The following CDH12 variants were observed in gnomAD, a reference collection of about 807,000 sequenced individuals.
The protein encoded by CDH12 is cadherin 12.
Under a neutral mutation model 74.1 loss-of-function variants are expected in CDH12, and 41 were observed. The observed-to-expected ratio is 0.55, with a 90% CI of 0.43 to 0.72. The LOEUF is 0.72. Among genes scored for constraint, CDH12 ranks in the 30% least tolerant of loss-of-function variants. CDH12 has a pLI of 0.00. For synonymous variants in CDH12, 399 were observed against 355.0 expected (o/e 1.12, Z -1.39); for missense variants, 945 against 977.2 (o/e 0.97, Z 0.44).
chr5:22,410,743 C>G (rs1051790300), intron 2 of CDH12, among the ~76,000 whole-genome samples: 22 of 151,892 alleles, frequency 1.4e-4, no homozygotes, highest in African/African-American at 5.3e-4. Context: ...GAACATAATG[C>G]TAGACATGAA....
At chr5:21,992,555 G>T (rs1238117812) in intron 5 of CDH12, among the ~76,000 whole-genome samples, 4 of 152,010 alleles carry the variant, frequency 2.6e-5, no homozygotes, top group African/African-American at 9.7e-5. Context: ...GGAATTATGT[G>T]TGTGCATACG....
At chr5:22,139,895 C>T (rs1746690464) in intron 4 of CDH12, among the ~76,000 whole-genome samples, 1 of 152,056 alleles carries the variant, frequency 6.6e-6, no homozygotes, top group African/African-American at 2.4e-5. Flanking sequence ...AACATTTCCT[C>T]CTGCCAAGTT....
chr5:22,542,612 T>C (rs1004411702), intron 1 of CDH12, among the ~76,000 whole-genome samples: 1 of 152,172 alleles, frequency 6.6e-6, no homozygotes, highest in African/African-American at 2.4e-5. Context: ...CAGTTCGTGT[T>C]TATCACCCTT....
At chr5:22,743,302 A>ATATATG (rs1042748232) in intron 1 of CDH12, among the ~76,000 whole-genome samples, 6 of 148,160 alleles carry the variant, frequency 4.0e-5, no homozygotes, top group Non-Finnish European at 8.9e-5. Flanking sequence ...GTATATGTAT[A>ATATATG]TATATGTATA....
In CDH12 at chr5:22,835,226, T is replaced by A. The variant is rs959582245; in HGVS notation, c.-523+17832A>T. 7.2e-5 allele frequency among the ~76,000 whole-genome samples: 11 copies of A among 152,272 alleles called. No homozygotes were observed. The South Asian group carries it at 2.3e-3, about 32-fold the overall frequency. On this transcript the variant is annotated intron_variant, in intron 1 of 14. Transcript: ENST00000382254. ...TCTACACTCTGTTCACATATAACAT[T>A]TCTGCTTTTTTACAATCTGCTTTGG... is the stretch of plus-strand genomic sequence containing the variant.
chr5:22,792,938 G>C (rs1488355159), intron 1 of CDH12, among the ~76,000 whole-genome samples: 1 of 152,126 alleles, frequency 6.6e-6, no homozygotes, highest in Non-Finnish European at 1.5e-5. Flanking sequence ...GTACCTCCTA[G>C]GTCCTCAAGA....
chr5:22,387,824 CCT>C, intron 3 of CDH12, among the ~76,000 whole-genome samples: 1 of 152,054 alleles, frequency 6.6e-6, no homozygotes, highest in African/African-American at 2.4e-5. Flanking sequence ...TTTTTAAATG[CCT>C]ATATCTGCTC....
At chr5:21,809,785 T>C (rs1434462607) in intron 9 of CDH12, among the ~76,000 whole-genome samples, 5 of 152,014 alleles carry the variant, frequency 3.3e-5, no homozygotes, top group Non-Finnish European at 5.9e-5. Flanking sequence ...AACACAGATA[T>C]GGAAAAGTGC....
intron 6 of CDH12, among the ~76,000 whole-genome samples, chr5:21,964,389 A>C (rs2910522): frequency 6.6e-6 from 1 of 152,000 alleles, no homozygotes; most frequent in African/African-American, 2.4e-5. Context: ...CATCCTTCTT[A>C]AAAGTTTGAA....
intron 1 of CDH12, among the ~76,000 whole-genome samples, chr5:22,748,277 C>A (rs1745391105): frequency 6.6e-6 from 1 of 152,076 alleles, no homozygotes; most frequent in African/African-American, 2.4e-5. Context: ...TGCTGAAACA[C>A]TTTAATATTG....
rs1345928692 is a variant in CDH12, at chr5:22,371,941, G to T, written c.-333+33316C>A. ...TCAAAGGTTTGGAAAACCTTTGGGA[G>T]ATTTTAAGTTAGGCCAAAACATGAT... On this transcript the variant is annotated intron_variant, in intron 3 of 14. Transcript: ENST00000382254. Among the ~76,000 whole-genome samples, 3 of 152,284 alleles carry T rather than the reference G, an allele frequency of 2.0e-5. No homozygotes were observed. The East Asian group carries it at 5.8e-4, about 29-fold the overall frequency.
intron 1 of CDH12, among the ~76,000 whole-genome samples, chr5:22,645,843 G>A (rs1739407612): frequency 6.6e-6 from 1 of 151,962 alleles, no homozygotes; most frequent in Admixed American, 6.6e-5. Flanking sequence ...TGAAGGTTTA[G>A]ATGCTCATTA....
chr5:21,953,322 T>G (rs1438843141), intron 6 of CDH12, among the ~76,000 whole-genome samples: 1 of 152,168 alleles, frequency 6.6e-6, no homozygotes, highest in Non-Finnish European at 1.5e-5. Context: ...CTGACCTACC[T>G]GCAATTACCT....
intron 1 of CDH12, among the ~76,000 whole-genome samples, chr5:22,825,035 T>C (rs1322798019): frequency 6.6e-6 from 1 of 151,808 alleles, no homozygotes; most frequent in African/African-American, 2.4e-5. Flanking sequence ...ATAAAAAGGG[T>C]CACAGAATAA....
chr5:22,409,442 A>C lies in CDH12; in HGVS notation c.-427-4091T>G, dbSNP rs561585345. Among the ~76,000 whole-genome samples, 30 of 152,176 alleles carry C rather than the reference A, an allele frequency of 2.0e-4. No individual in the cohort carries two copies. The East Asian group carries it at 5.4e-3, about 27-fold the overall frequency. On this transcript the variant is annotated intron_variant, in intron 2 of 14. Coordinates refer to ENST00000382254, the MANE Select transcript of CDH12 (RefSeq NM_004061.5). ...TTCTTATTTCTTATTTCTCCAATTC[A>C]AAACCAATTGAAAACTAGCTTATTT...
chr5:22,319,694 A>G (rs1561309892), intron 3 of CDH12, among the ~76,000 whole-genome samples: 1 of 152,204 alleles, frequency 6.6e-6, no homozygotes, highest in Non-Finnish European at 1.5e-5. Context: ...TTCTTTAGTA[A>G]CATTTTTCTT....
At chr5:22,362,576 A>G (rs1214793418) in intron 3 of CDH12, among the ~76,000 whole-genome samples, 2 of 152,090 alleles carry the variant, frequency 1.3e-5, no homozygotes, top group Non-Finnish European at 2.9e-5. Context: ...CCATCCCATT[A>G]CTGAGTATAT....
At chr5:22,392,172 C>G (rs964907532) in intron 3 of CDH12, among the ~76,000 whole-genome samples, 2 of 152,172 alleles carry the variant, frequency 1.3e-5, no homozygotes, top group African/African-American at 4.8e-5. Flanking sequence ...TAAACCTGGA[C>G]ATGAATGAGT....
intron 3 of CDH12, among the ~76,000 whole-genome samples, chr5:22,335,061 C>T (rs1325459183): frequency 6.6e-6 from 1 of 152,006 alleles, no homozygotes; most frequent in Non-Finnish European, 1.5e-5. Context: ...GAAGAGACAA[C>T]CCACAGAATG....
Sources: allele counts gnomAD v4.1 joint callset (sites outside exome capture counted in the v4.1 genomes callset), GRCh38; gene constraint gnomAD v4.1.1; transcripts MANE v1.5; gene names NCBI Gene and HGNC (gene_info 2026-07-23, HGNC 2026-07-21).